The following RAPGEF2 variants were observed in gnomAD, a reference collection of about 807,000 sequenced individuals.
The protein encoded by RAPGEF2 is PDZ domain containing guanine nucleotide exchange factor (GEF) 1.
A neutral mutation model predicts 186.7 loss-of-function variants in RAPGEF2; 54 were observed. The ratio of observed to expected loss-of-function variants is 0.29; its 90% confidence interval spans 0.23 to 0.36. RAPGEF2 has a LOEUF of 0.36. Ranked by LOEUF, RAPGEF2 falls within the 10% of genes least tolerant of loss-of-function variation. The probability of loss-of-function intolerance (pLI) is 1.00; values close to 1 mark genes in which losing one functional copy is unlikely to be tolerated. For missense variants in RAPGEF2, 1,532 were observed against 2,045.0 expected (o/e 0.75, Z 4.84); for synonymous variants, 712 against 705.9 (o/e 1.01, Z -0.14).
chr4:159,183,479 T>C (rs1293958976), intron 1 of RAPGEF2, among the ~76,000 whole-genome samples: 2 of 152,188 alleles, frequency 1.3e-5, no homozygotes, highest in Non-Finnish European at 2.9e-5. Context: ...AATATAGTAG[T>C]AAATCATTGG....
intron 8 of RAPGEF2, among the ~76,000 whole-genome samples, chr4:159,309,184 C>G (rs1763656323): frequency 6.6e-6 from 1 of 152,140 alleles, no homozygotes; most frequent in South Asian, 2.1e-4. Flanking sequence ...ATGTTTTCTC[C>G]TAGCTTGATC....
chr4:159,321,420 C>T (rs1383144505), intron 9 of RAPGEF2, among the ~76,000 whole-genome samples: 2 of 152,114 alleles, frequency 1.3e-5, no homozygotes, highest in East Asian at 1.9e-4. Flanking sequence ...ATTGCTCAGG[C>T]TGATCTTAAA....
At chr4:159,339,485 G>T (rs1194499967) in intron 19 of RAPGEF2, 131 bp downstream of exon 19, 9 of 1,079,980 alleles carry the variant, frequency 8.3e-6, no homozygotes, top group East Asian at 5.4e-5. Context: ...TATTGTTGTT[G>T]TTTTTTTTTT....
chr4:159,247,465 G>GT (rs1754774949), intron 7 of RAPGEF2, among the ~76,000 whole-genome samples: 1 of 152,210 alleles, frequency 6.6e-6, no homozygotes, highest in South Asian at 2.1e-4. Context: ...TAGAGGTTGA[G>GT]TGGTTATAGG....
chr4:159,293,781 C>A (rs1189131374), intron 7 of RAPGEF2, among the ~76,000 whole-genome samples: 1 of 152,148 alleles, frequency 6.6e-6, no homozygotes, highest in Non-Finnish European at 1.5e-5. Flanking sequence ...GGGTTGCAGC[C>A]CCTCTCCATT....
chr4:159,181,114 G>A (rs1459013564), intron 1 of RAPGEF2, among the ~76,000 whole-genome samples: 5 of 152,150 alleles, frequency 3.3e-5, no homozygotes, highest in Non-Finnish European at 5.9e-5. Flanking sequence ...GTGAAACACC[G>A]TAATGTTGAA....
intron 3 of RAPGEF2, among the ~76,000 whole-genome samples, chr4:159,194,167 A>G (rs1225628305): frequency 1.3e-5 from 2 of 152,174 alleles, no homozygotes; most frequent in African/African-American, 2.4e-5. Flanking sequence ...GGCAGAAGGA[A>G]CAGTATGTGC....
intron 1 of RAPGEF2, among the ~76,000 whole-genome samples, chr4:159,139,570 G>A (rs1742089604): frequency 6.6e-6 from 1 of 150,782 alleles, no homozygotes; most frequent in African/African-American, 2.5e-5. Flanking sequence ...TGATACTGGT[G>A]AAATTAAAAA....
chr4:159,149,514 C>T (rs535325277), intron 1 of RAPGEF2, among the ~76,000 whole-genome samples: 5 of 152,148 alleles, frequency 3.3e-5, no homozygotes, highest in Non-Finnish European at 5.9e-5. Context: ...AATTTGACCT[C>T]CCAAAGTGCT....
In RAPGEF2 at chr4:159,341,558, T is replaced by G; in HGVS notation, c.2535-6T>G. On this transcript the variant is annotated splice_polypyrimidine_tract_variant and splice_region_variant and intron_variant, in intron 19 of 29. Transcript: ENST00000691494. ...TTTGACTCTGATATGTTTCTGTTTT[T>G]CATAGGTATTATCTGAAAAACAACA... The G allele has an allele frequency of 6.4e-7, 1 of 1,569,878 alleles. No homozygotes were observed.
chr4:159,266,493 T>C (rs1385635877), intron 7 of RAPGEF2, among the ~76,000 whole-genome samples: 1 of 152,196 alleles, frequency 6.6e-6, no homozygotes, highest in East Asian at 1.9e-4. Context: ...TACCTACATA[T>C]GTACATGAAA....
chr4:159,219,248 TAGATAG>T (rs1211260426), intron 4 of RAPGEF2, among the ~76,000 whole-genome samples: 2 of 151,990 alleles, frequency 1.3e-5, no homozygotes, highest in Non-Finnish European at 2.9e-5. Context: ...TTAAGTTAAG[TAGATAG>T]TTTATCAAGA....
At chr4:159,254,880 C>T (rs1441693849) in intron 7 of RAPGEF2, among the ~76,000 whole-genome samples, 1 of 152,180 alleles carries the variant, frequency 6.6e-6, no homozygotes, top group African/African-American at 2.4e-5. Flanking sequence ...GGATCACAGG[C>T]GTGAGCCACC....
At chr4:159,232,497 T>C (rs1015462890) in intron 4 of RAPGEF2, among the ~76,000 whole-genome samples, 2 of 152,196 alleles carry the variant, frequency 1.3e-5, no homozygotes, top group African/African-American at 4.8e-5. Flanking sequence ...TTCCTTTGTG[T>C]GTGTATGCCA....
intron 1 of RAPGEF2, among the ~76,000 whole-genome samples, chr4:159,118,071 C>T (rs758334410): frequency 3.9e-4 from 59 of 152,128 alleles, no homozygotes; most frequent in Non-Finnish European, 7.2e-4. Flanking sequence ...AGTACCCAAC[C>T]CCTGGGCCAC....
chr4:159,221,710 C>T (rs1050887400), intron 4 of RAPGEF2, among the ~76,000 whole-genome samples: 1 of 152,216 alleles, frequency 6.6e-6, no homozygotes, highest in African/African-American at 2.4e-5. Flanking sequence ...GGCTTAGCCA[C>T]GCTCCTTTAG....
chr4:159,238,771 A>T, intron 4 of RAPGEF2, 38 bp from the exon 5 acceptor site: 104 of 1,360,686 alleles, frequency 7.6e-5, no homozygotes, highest in Non-Finnish European at 9.8e-5. Context: ...TAAATCTCTG[A>T]GGTTCTCCTC....
chr4:159,303,094 T>G (rs1762865117), intron 7 of RAPGEF2, among the ~76,000 whole-genome samples: 1 of 152,158 alleles, frequency 6.6e-6, no homozygotes, highest in Admixed American at 6.6e-5. Context: ...TATAATTCAC[T>G]TAAGGTAGAG....
chr4:159,216,453 G>T (rs904334406), intron 4 of RAPGEF2, among the ~76,000 whole-genome samples: 11 of 152,106 alleles, frequency 7.2e-5, no homozygotes, highest in African/African-American at 2.7e-4. Flanking sequence ...TTGGAAAGTG[G>T]TCAGAAAGAA....
Sources: allele counts gnomAD v4.1 joint callset (sites outside exome capture counted in the v4.1 genomes callset), GRCh38; gene constraint gnomAD v4.1.1; transcripts MANE v1.5; gene names NCBI Gene and HGNC (gene_info 2026-07-23, HGNC 2026-07-21).